Variants in USO1 observed in about 807,000 individuals in gnomAD.
USO1 encodes the protein USO1 vesicle transport factor, also known as general vesicular transport factor p115.
Under a neutral mutation model 124.5 loss-of-function variants are expected in USO1, and 57 were observed. The ratio of observed to expected loss-of-function variants is 0.46; its 90% CI spans 0.37 to 0.57. USO1 has a LOEUF of 0.57. Ranked by LOEUF, USO1 falls within the 20% of genes least tolerant of loss-of-function variation. The probability of loss-of-function intolerance (pLI) is 0.00; values close to 1 mark genes in which losing one functional copy is unlikely to be tolerated. For missense variants in USO1, 900 were observed against 1,040.6 expected (o/e 0.86, Z 1.86); for synonymous variants, 369 against 362.8 (o/e 1.02, Z -0.19).
In USO1 at chr4:75,724,638, GGCC is replaced by G; in HGVS notation, c.-179_-177del. Reference sequence around the variant, plus strand: ...CCACGTCCCCGCGCATGCGCATCTTGGCCGCTGCTGGCGGCTGTTTCCGGGCTT... The same window carrying G: ...CCACGTCCCCGCGCATGCGCATCTTGGCTGCTGGCGGCTGTTTCCGGGCTT... On this transcript the variant is annotated 5_prime_UTR_variant, in exon 1 of 24. Transcript: ENST00000514213. 1.7e-6 allele frequency: 1 copy of G among 601,780 alleles called. No individual in the cohort carries two copies. Among genetic ancestry groups the G allele is most frequent in the South Asian group, 2.0e-5 (1 of 48,950 alleles). The allele number at this position is 601,780 out of a possible 1,614,324, so 37.3% of individuals were successfully genotyped here.
rs1577970301 is a variant in USO1, at chr4:75,799,866, T to A, written c.1563+134T>A. The A allele has an allele frequency of 4.0e-6, 4 of 1,004,848 alleles. No homozygotes were observed. In the Middle Eastern group the frequency reaches 9.5e-4, roughly 239 times the overall value. The allele number at this position is 1,004,848 out of a possible 1,614,324, so 62.2% of individuals were successfully genotyped here. A position where few individuals can be genotyped will look rare whatever the true frequency, so the allele number is the denominator to read the frequency against. ...TTATCTGTGTTGCAACTTTTTAAAC[T>A]GTTAAAGTTGTTATGATGCTTGTTT... is the stretch of plus-strand genomic sequence containing the variant. On this transcript the variant is annotated intron_variant, in intron 14 of 23. Transcript: ENST00000514213.
intron 9 of USO1, among the ~76,000 whole-genome samples, chr4:75,785,683 C>T (rs1350572561): frequency 6.6e-6 from 1 of 151,984 alleles, no homozygotes; most frequent in Non-Finnish European, 1.5e-5. Flanking sequence ...TTTACATCAT[C>T]AGTAAAGACA....
Position 75,800,715 on chromosome 4 carries a change from T to A in USO1, c.1780T>A (p.Ser594Thr). The change falls in exon 16 of 24, where the codon TCT becomes ACT. Residue 594 changes from serine (S) to threonine (T), a missense_variant. By Grantham distance (58) the Ser-to-Thr change is moderately conservative. Transcript: ENST00000514213. ...CAAACATGAGTTGTATTCCAGAGCA[T>A]CTCAGAAACCCCAGCCAAACTTTCC... is the stretch of plus-strand genomic sequence containing the variant. Reference protein sequence around the residue: ...ISKHELYSRASQKPQPNFPSP... With the variant: ...ISKHELYSRATQKPQPNFPSP... 1 of 1,611,620 alleles carries A rather than the reference T, an allele frequency of 6.2e-7. No homozygotes were observed. Among genetic ancestry groups the A allele is most frequent in the Non-Finnish European group, 8.5e-7 (1 of 1,179,292 alleles).
At chr4:75,757,795 C>A (rs1721489637) in intron 4 of USO1, among the ~76,000 whole-genome samples, 1 of 151,944 alleles carries the variant, frequency 6.6e-6, no homozygotes, top group Admixed American at 6.6e-5. Flanking sequence ...GGAATAAGAT[C>A]CTTCTTTTTA....
At chr4:75,802,782 G>A (rs1722888546) in intron 17 of USO1, among the ~76,000 whole-genome samples, 2 of 88,524 alleles carry the variant, frequency 2.3e-5, no homozygotes, top group South Asian at 6.8e-4. Flanking sequence ...CGCTCTTGTT[G>A]CCCAGGCTGG....
At chr4:75,804,884 A>T in intron 18 of USO1, 1 of 324,480 alleles carries the variant, frequency 3.1e-6, no homozygotes, top group Non-Finnish European at 5.5e-6. Flanking sequence ...TGGAATTAAA[A>T]TTACTGTAAT....
chr4:75,738,341 T>A (rs1387267164), intron 1 of USO1, among the ~76,000 whole-genome samples: 1 of 151,602 alleles, frequency 6.6e-6, no homozygotes, highest in Non-Finnish European at 1.5e-5. Context: ...CATGTAAGCC[T>A]AGCTGCTTGG....
At chr4:75,739,472 TGTAA>T (rs984798604) in intron 1 of USO1, among the ~76,000 whole-genome samples, 3 of 152,134 alleles carry the variant, frequency 2.0e-5, no homozygotes, top group African/African-American at 7.2e-5. Context: ...GTTCTCATGC[TGTAA>T]GTGTGTCCTT....
intron 4 of USO1, among the ~76,000 whole-genome samples, chr4:75,762,927 C>G (rs903275029): frequency 6.6e-6 from 1 of 152,050 alleles, no homozygotes; most frequent in Non-Finnish European, 1.5e-5. Flanking sequence ...GACTCCGTCT[C>G]AAAACAAAAA....
chr4:75,799,421 A>G (rs985360307), intron 13 of USO1, among the ~76,000 whole-genome samples: 8 of 152,008 alleles, frequency 5.3e-5, no homozygotes, highest in African/African-American at 1.9e-4. Flanking sequence ...TAATTTCTGC[A>G]CTCTGTTCAT....
At chr4:75,761,143 G>T (rs1255195613) in intron 4 of USO1, among the ~76,000 whole-genome samples, 1 of 151,498 alleles carries the variant, frequency 6.6e-6, no homozygotes, top group Non-Finnish European at 1.5e-5. Flanking sequence ...AGTGAGACTT[G>T]TCTCAAAAAA....
intron 9 of USO1, 134 bp from the exon 10 acceptor site, chr4:75,786,928 A>T: frequency 8.9e-7 from 1 of 1,123,268 alleles, no homozygotes; most frequent in Non-Finnish European, 1.2e-6. Context: ...GGAGCACGAA[A>T]GAAAGAGCAC....
At chr4:75,744,497 G>A (rs1721064920) in intron 1 of USO1, among the ~76,000 whole-genome samples, 5 of 152,176 alleles carry the variant, frequency 3.3e-5, no homozygotes, top group Admixed American at 3.3e-4. Flanking sequence ...TTGGCTCACT[G>A]CAACCTCCGC....
chr4:75,758,657 A>AG (rs527783526), intron 4 of USO1, among the ~76,000 whole-genome samples: 45 of 152,162 alleles, frequency 3.0e-4, no homozygotes, highest in Non-Finnish European at 4.9e-4. Flanking sequence ...CTGGGGTGGA[A>AG]GGATTGCTTG....
chr4:75,769,293 T>C (rs1721856006), intron 4 of USO1, among the ~76,000 whole-genome samples: 1 of 152,202 alleles, frequency 6.6e-6, no homozygotes, highest in Admixed American at 6.5e-5. Flanking sequence ...TTTACTGATA[T>C]AAGAGATGAT....
At chr4:75,759,245 C>CTTT (rs1560443228) in intron 4 of USO1, among the ~76,000 whole-genome samples, 3 of 11,556 alleles carry the variant, frequency 2.6e-4, no homozygotes, top group Non-Finnish European at 3.6e-4. Context: ...TTATTAAGGA[C>CTTT]CTTTTTTTTT....
rs75986764 is a variant in USO1, at chr4:75,797,947, G to C, written c.1453-1675G>C. On this transcript the variant is annotated intron_variant, in intron 13 of 23. Coordinates refer to ENST00000514213, the MANE Select transcript of USO1 (RefSeq NM_003715.4). The stretch of plus-strand genomic sequence containing the variant: ...CACATTAATTTTATAAATTAACTTA[G>C]AATTAACACCTTTGTGATGTTGAGT... Among the ~76,000 whole-genome samples the C allele has an allele frequency of 6.5e-3, 994 of 152,248 alleles. 28 individuals are homozygous for C. The highest frequency in any genetic ancestry group is 0.046 in the East Asian group (237 of 5,184).
At chr4:75,758,764 A>G (rs1204086963) in intron 4 of USO1, among the ~76,000 whole-genome samples, 1 of 152,128 alleles carries the variant, frequency 6.6e-6, no homozygotes, top group Non-Finnish European at 1.5e-5. Context: ...TATCTATCCT[A>G]TAGCTTAACT....
intron 12 of USO1, among the ~76,000 whole-genome samples, chr4:75,791,225 A>G (rs1165586856): frequency 6.6e-6 from 1 of 152,220 alleles, no homozygotes; most frequent in African/African-American, 2.4e-5. Context: ...TATAATTGTC[A>G]TTCTAAAGAT....
Sources: gnomAD v4.1 joint callset for allele counts (sites outside exome capture counted in the v4.1 genomes callset) on GRCh38, gnomAD v4.1.1 for gene constraint, MANE v1.5 for transcripts, NCBI Gene and HGNC (gene_info 2026-07-23, HGNC 2026-07-21) for gene names.